The following FBXL20 variants were observed in gnomAD, a reference collection of about 807,000 sequenced individuals.
The protein encoded by FBXL20 is F-box/LRR-repeat protein 20.
A neutral mutation model predicts 64.0 loss-of-function variants in FBXL20; 11 were observed. That is an observed-to-expected ratio of 0.17 (90% CI 0.11 to 0.28). The LOEUF (loss-of-function observed/expected upper bound fraction) is 0.28. Among genes scored for constraint, FBXL20 ranks in the 10% least tolerant of loss-of-function variants. FBXL20 has a pLI of 1.00. For missense variants in FBXL20, 303 were observed against 526.2 expected (o/e 0.58, Z 4.15); for synonymous variants, 184 against 189.0 (o/e 0.97, Z 0.22).
In FBXL20 at chr17:39,282,723, T is replaced by C. The variant is rs757259778; in HGVS notation, c.621+6A>G. On this transcript the variant is annotated splice_donor_region_variant and intron_variant, in intron 8 of 14. Transcript: ENST00000264658. Reference sequence around the variant, plus strand: ...CGAATTTCACGAGCCCTACATGGAGTATTACCTGCGTGCAGCCTTTTAAGA... The same window carrying C: ...CGAATTTCACGAGCCCTACATGGAGCATTACCTGCGTGCAGCCTTTTAAGA... The C allele has an allele frequency of 5.0e-6, 8 of 1,613,890 alleles. No homozygotes were observed. Among genetic ancestry groups the C allele is most frequent in the South Asian group, 2.2e-5 (2 of 91,080 alleles).
At chr17:39,351,339 C>CAAA (rs375439559) in intron 1 of FBXL20, among the ~76,000 whole-genome samples, 25 of 95,712 alleles carry the variant, frequency 2.6e-4, no homozygotes, top group African/African-American at 7.1e-4. Context: ...TCTGTCTCAC[C>CAAA]AAAAAAAAAA....
intron 2 of FBXL20, among the ~76,000 whole-genome samples, chr17:39,324,023 C>T (rs55938401): frequency 7.2e-6 from 1 of 139,030 alleles, no homozygotes; most frequent in Non-Finnish European, 1.5e-5. Flanking sequence ...CTCCCCCCCC[C>T]ACCCCCTGGC....
At chr17:39,332,507 C>G (rs370916069) in intron 2 of FBXL20, among the ~76,000 whole-genome samples, 12 of 150,196 alleles carry the variant, frequency 8.0e-5, no homozygotes, top group East Asian at 5.9e-4. Context: ...ACCTGTGCAC[C>G]TTTCCCCTTT....
chr17:39,330,232 G>A (rs1449763363), intron 2 of FBXL20, among the ~76,000 whole-genome samples: 1 of 152,096 alleles, frequency 6.6e-6, no homozygotes, highest in Admixed American at 6.6e-5. Context: ...GGGAGGCTGA[G>A]GTTGCAGTGA....
intron 6 of FBXL20, among the ~76,000 whole-genome samples, chr17:39,286,518 C>T (rs1388380201): frequency 6.6e-6 from 1 of 152,130 alleles, no homozygotes; most frequent in Non-Finnish European, 1.5e-5. Flanking sequence ...CCTGGCCCAA[C>T]ATTTATCAAT....
At chr17:39,302,914 CTATT>C (rs1261362490) in intron 3 of FBXL20, among the ~76,000 whole-genome samples, 1 of 151,160 alleles carries the variant, frequency 6.6e-6, no homozygotes, top group African/African-American at 2.4e-5. Context: ...TGCTCTGAAA[CTATT>C]TTTTTTTTTT....
At chr17:39,353,842 C>T (rs2047711422) in intron 1 of FBXL20, among the ~76,000 whole-genome samples, 1 of 151,914 alleles carries the variant, frequency 6.6e-6, no homozygotes, top group African/African-American at 2.4e-5. Flanking sequence ...AGGATGGTCT[C>T]GACCTCTTGA....
At chr17:39,374,164 G>A (rs570527849) in intron 1 of FBXL20, among the ~76,000 whole-genome samples, 1 of 151,920 alleles carries the variant, frequency 6.6e-6, no homozygotes, top group East Asian at 1.9e-4. Context: ...GGTGGAAGTT[G>A]CAGTGAGCCA....
At chr17:39,319,889 A>G (rs890717857) in intron 2 of FBXL20, among the ~76,000 whole-genome samples, 18 of 152,110 alleles carry the variant, frequency 1.2e-4, no homozygotes, top group African/African-American at 3.6e-4. Flanking sequence ...TGAGATTGCA[A>G]GCATGAGCCA....
intron 1 of FBXL20, among the ~76,000 whole-genome samples, chr17:39,356,648 G>A (rs559841386): frequency 2.6e-4 from 39 of 151,644 alleles, no homozygotes; most frequent in African/African-American, 8.9e-4. Flanking sequence ...GAGCCCCTGC[G>A]CTCGGCCTAC....
intron 1 of FBXL20, among the ~76,000 whole-genome samples, chr17:39,379,484 C>CTAAAAA (rs1386849918): frequency 1.4e-5 from 1 of 70,478 alleles, no homozygotes; most frequent in East Asian, 3.4e-4. Flanking sequence ...CCATCCCTTA[C>CTAAAAA]CAAAAAAAAA....
rs34083114 is a variant in FBXL20 at position 39,316,294 on chromosome 17, T to TACACAC, written c.105-12661_105-12656dup. Among the ~76,000 whole-genome samples, 374 of 150,220 alleles carry TACACAC rather than the reference T, an allele frequency of 2.5e-3. 4 individuals carry two copies. The highest frequency in any genetic ancestry group is 6.9e-3 in the Middle Eastern group (2 of 288). On this transcript the variant is annotated intron_variant, in intron 2 of 14. Coordinates refer to ENST00000264658, the MANE Select transcript of FBXL20 (RefSeq NM_032875.3). ...ATATATACACGTGTTCATCTACATATACACACACACACACACACACATTTT... is the reference window on the plus strand; with the variant it reads ...ATATATACACGTGTTCATCTACATATACACACACACACACACACACACACACATTTT...
chr17:39,282,639 C>T (rs1171192734), intron 8 of FBXL20, 90 bp downstream of exon 8: 3 of 1,557,056 alleles, frequency 1.9e-6, no homozygotes, highest in East Asian at 4.5e-5. Flanking sequence ...TAACCTTTCC[C>T]TCCAGACAAA....
chr17:39,280,183 C>A (rs191712954), intron 9 of FBXL20, among the ~76,000 whole-genome samples: 2 of 150,282 alleles, frequency 1.3e-5, no homozygotes, highest in Non-Finnish European at 3.0e-5. Context: ...TTGCAGTGAG[C>A]CGAGATCGTG....
chr17:39,348,257 T>C (rs1283236238), intron 1 of FBXL20, among the ~76,000 whole-genome samples: 1 of 152,022 alleles, frequency 6.6e-6, no homozygotes, highest in Non-Finnish European at 1.5e-5. Flanking sequence ...GGTCAAGAGA[T>C]GGAGACCATC....
intron 1 of FBXL20, among the ~76,000 whole-genome samples, chr17:39,391,988 G>A (rs2338797): frequency 0.37 from 56,297 of 151,198 alleles, 13,172 homozygotes; most frequent in African/African-American, 0.66. Flanking sequence ...CTAAAAATAG[G>A]AAAAACTGGT....
At chr17:39,364,630 G>C (rs774276970) in intron 1 of FBXL20, among the ~76,000 whole-genome samples, 1 of 152,158 alleles carries the variant, frequency 6.6e-6, no homozygotes, top group Non-Finnish European at 1.5e-5. Context: ...AAGAAAAAAA[G>C]AATGTGGCAG....
At chr17:39,334,519 C>T (rs2047501224) in intron 2 of FBXL20, among the ~76,000 whole-genome samples, 1 of 132,616 alleles carries the variant, frequency 7.5e-6, no homozygotes, top group African/African-American at 3.2e-5. Context: ...TTCAGCTAAT[C>T]CATGCTTGCC....
intron 6 of FBXL20, among the ~76,000 whole-genome samples, chr17:39,295,807 T>TATATATATATATATA (rs1567867921): frequency 1.6e-5 from 2 of 126,568 alleles, no homozygotes; most frequent in African/African-American, 6.2e-5. Context: ...ATATATATAT[T>TATATATATATATATA]AAGTCTTCTG....
Sources: allele counts gnomAD v4.1 joint callset (sites outside exome capture counted in the v4.1 genomes callset), GRCh38; gene constraint gnomAD v4.1.1; transcripts MANE v1.5; gene names NCBI Gene and HGNC (gene_info 2026-07-23, HGNC 2026-07-21).